GRK4: variants seen among roughly 807,000 people sequenced by gnomAD.
The protein encoded by GRK4 is G protein-coupled receptor kinase 4.
GRK4 carries 73 observed loss-of-function variants against 77.9 expected under a neutral mutation model. The ratio of observed to expected loss-of-function variants is 0.94; its 90% CI spans 0.78 to 1.14. The LOEUF is 1.14. Among genes scored for constraint, GRK4 ranks in the 50% most tolerant of loss-of-function variants. The pLI, the probability that GRK4 is intolerant of heterozygous loss-of-function variation, is 0.00. For synonymous variants in GRK4, 257 were observed against 254.4 expected (o/e 1.01, Z -0.10); for missense variants, 729 against 700.2 (o/e 1.04, Z -0.46).
chr4:3,031,495 C>T (rs541927035), intron 12 of GRK4, among the ~76,000 whole-genome samples: 1 of 152,308 alleles, frequency 6.6e-6, no homozygotes, highest in South Asian at 2.1e-4. Context: ...TCGCCCAGCT[C>T]TGGTTTGTCC....
At chr4:2,968,919 C>A (rs1718595975) in intron 1 of GRK4, among the ~76,000 whole-genome samples, 1 of 152,042 alleles carries the variant, frequency 6.6e-6, no homozygotes, top group Admixed American at 6.6e-5. Context: ...AATTGGCTGG[C>A]TTGGCTCTGG....
At chr4:3,039,676 T>C (rs1252738896) in intron 15 of GRK4, among the ~76,000 whole-genome samples, 10 of 126,154 alleles carry the variant, frequency 7.9e-5, no homozygotes, top group African/African-American at 2.7e-4. Flanking sequence ...CCAGCCTGGG[T>C]GACAAGAGTG....
chr4:2,970,435 G>A (rs926664476), intron 1 of GRK4, among the ~76,000 whole-genome samples: 4 of 152,008 alleles, frequency 2.6e-5, no homozygotes, highest in Non-Finnish European at 4.4e-5. Context: ...CAAGGCGGGC[G>A]GATCACGAGG....
chr4:3,030,270 C>A (rs191438849), intron 12 of GRK4, among the ~76,000 whole-genome samples: 25 of 152,244 alleles, frequency 1.6e-4, no homozygotes, highest in African/African-American at 5.8e-4. Context: ...GCGGTGGAGA[C>A]CTGGTCCCTG....
intron 9 of GRK4, among the ~76,000 whole-genome samples, chr4:3,021,490 T>C (rs1736065990): frequency 6.6e-6 from 1 of 152,190 alleles, no homozygotes; most frequent in Non-Finnish European, 1.5e-5. Context: ...TTATCTTATA[T>C]ATCCCACAGC....
chr4:3,011,319 G>A (rs1015923750), intron 7 of GRK4, among the ~76,000 whole-genome samples: 2 of 152,120 alleles, frequency 1.3e-5, no homozygotes, highest in Non-Finnish European at 2.9e-5. Context: ...GGTGGCTCAC[G>A]CCTGTAATCC....
intron 3 of GRK4, among the ~76,000 whole-genome samples, chr4:2,989,687 C>T (rs1725540736): frequency 6.6e-6 from 1 of 152,288 alleles, no homozygotes; most frequent in Middle Eastern, 3.4e-3. Flanking sequence ...AACGCTTTAA[C>T]CCAGAAGCAT....
intron 4 of GRK4, among the ~76,000 whole-genome samples, chr4:2,993,326 A>G (rs1234889718): frequency 6.6e-6 from 1 of 152,184 alleles, no homozygotes; most frequent in African/African-American, 2.4e-5. Context: ...GCAGGGCCCT[A>G]TATTGTAAGG....
At position 3,019,839 on chromosome 4, in the gene GRK4, CG is replaced by C. The variant is rs1346662288; in HGVS notation, c.932+10del. The C allele has an allele frequency of 3.7e-6, 6 of 1,610,458 alleles. No homozygotes were observed. The Admixed American group carries it at 1.0e-4, about 27-fold the overall frequency. On this transcript the variant is annotated intron_variant, in intron 9 of 15. Coordinates refer to ENST00000398052, the MANE Select transcript of GRK4 (RefSeq NM_182982.3). ...GGAAAGAATTGTATACAGGTAAGAA[CG>C]GTGCTACCTAATGGAGCCTGCAAGT...
At chr4:3,025,128 G>A (rs2110015986) in intron 10 of GRK4, among the ~76,000 whole-genome samples, 1 of 151,802 alleles carries the variant, frequency 6.6e-6, no homozygotes, top group East Asian at 2.0e-4. Flanking sequence ...AAAATTAGCT[G>A]GGTGTGGTAA....
In GRK4 at chr4:3,019,849, T is replaced by G; in HGVS notation, c.932+18T>G. ...GTATACAGGTAAGAACGGTGCTACCTAATGGAGCCTGCAAGTCTTGGAGCC... is the reference window on the plus strand; with the variant it reads ...GTATACAGGTAAGAACGGTGCTACCGAATGGAGCCTGCAAGTCTTGGAGCC... On this transcript the variant is annotated intron_variant, in intron 9 of 15. Coordinates refer to ENST00000398052, the MANE Select transcript of GRK4 (RefSeq NM_182982.3). 1.3e-6 allele frequency: 2 copies of G among 1,591,168 alleles called. No individual in the cohort carries two copies. Among genetic ancestry groups the G allele is most frequent in the Non-Finnish European group, 1.7e-6 (2 of 1,165,646 alleles).
At chr4:2,999,727 T>C (rs7696059) in intron 4 of GRK4, among the ~76,000 whole-genome samples, 2,486 of 152,304 alleles carry the variant, frequency 0.016, 61 homozygotes, top group African/African-American at 0.057. Context: ...AATTAGGCAG[T>C]GACTTCTTAG....
At chr4:2,989,594 C>T (rs1725504866) in intron 3 of GRK4, among the ~76,000 whole-genome samples, 1 of 152,142 alleles carries the variant, frequency 6.6e-6, no homozygotes, top group Non-Finnish European at 1.5e-5. Context: ...AGCCACTGTG[C>T]CCGGCTCTAA....
At chr4:3,030,911 G>A (rs543995054) in intron 12 of GRK4, among the ~76,000 whole-genome samples, 28 of 152,334 alleles carry the variant, frequency 1.8e-4, no homozygotes, top group Non-Finnish European at 3.8e-4. Flanking sequence ...GCCACTGGGA[G>A]AGAATGAATG....
intron 5 of GRK4, among the ~76,000 whole-genome samples, chr4:3,006,752 G>A (rs1176699088): frequency 5.9e-5 from 9 of 151,948 alleles, no homozygotes; most frequent in African/African-American, 1.9e-4. Context: ...CAGCCTGGGT[G>A]ACAGAGCCAG....
chr4:2,973,848 TCA>T (rs542457587), intron 1 of GRK4, among the ~76,000 whole-genome samples: 191 of 152,296 alleles, frequency 1.3e-3, no homozygotes, highest in Non-Finnish European at 2.4e-3. Flanking sequence ...CCCAGACAGC[TCA>T]GAGTGAAAGC....
chr4:2,989,911 A>G (rs982692591), intron 3 of GRK4, among the ~76,000 whole-genome samples: 4 of 152,092 alleles, frequency 2.6e-5, no homozygotes, highest in Non-Finnish European at 4.4e-5. Context: ...ACCAATAGAA[A>G]ATTGGTGGAA....
chr4:2,972,743 A>AT (rs1236794224), intron 1 of GRK4, among the ~76,000 whole-genome samples: 1 of 151,086 alleles, frequency 6.6e-6, no homozygotes, highest in African/African-American at 2.4e-5. Flanking sequence ...CTTTAAAAAA[A>AT]TTTTTTTTTG....
At chr4:2,977,575 A>G (rs1721592954) in intron 1 of GRK4, among the ~76,000 whole-genome samples, 1 of 152,212 alleles carries the variant, frequency 6.6e-6, no homozygotes, top group Non-Finnish European at 1.5e-5. Context: ...CATTTCCATA[A>G]AAGCCACGTT....
Sources: allele counts gnomAD v4.1 joint callset (sites outside exome capture counted in the v4.1 genomes callset), GRCh38; gene constraint gnomAD v4.1.1; transcripts MANE v1.5; gene names NCBI Gene and HGNC (gene_info 2026-07-23, HGNC 2026-07-21).